NR2F1-AS1: variants seen among roughly 807,000 people sequenced by gnomAD.
NR2F1-AS1 encodes the protein NR2F1 regulatory antisense RNA 1.
chr5:93,426,886 T>G (rs146396761), intron 4 of NR2F1-AS1, among the ~76,000 whole-genome samples: 7 of 152,204 alleles, frequency 4.6e-5, no homozygotes, highest in South Asian at 4.2e-4. Flanking sequence ...GTAATAAAAG[T>G]TCCCCCCCTC....
chr5:93,580,284 G>A (rs1325987615), intron 1 of NR2F1-AS1, among the ~76,000 whole-genome samples: 1 of 152,254 alleles, frequency 6.6e-6, no homozygotes, highest in Non-Finnish European at 1.5e-5. Flanking sequence ...TAGCGCTACG[G>A]CGAGACAGAG....
chr5:93,457,318 G>C lies in NR2F1-AS1; in HGVS notation n.639-61776C>G, dbSNP rs188402511. 2.1e-3 allele frequency among the ~76,000 whole-genome samples: 321 copies of C among 152,216 alleles called. 2 individuals are homozygous for C. Among genetic ancestry groups the C allele is most frequent in the African/African-American group, 7.0e-3 (289 of 41,526 alleles). ...TGTGTCCCCGGGTACTTGAGATTAG[G>C]GAGTGGTGATGACTTTTAACAAGCA... On this transcript the variant is annotated intron_variant and non_coding_transcript_variant, in intron 4 of 5. Coordinates refer to ENST00000660523, the Ensembl canonical transcript of NR2F1-AS1.
At chr5:93,489,491 A>G (rs1750793751) in intron 4 of NR2F1-AS1, among the ~76,000 whole-genome samples, 1 of 152,096 alleles carries the variant, frequency 6.6e-6, no homozygotes, top group South Asian at 2.1e-4. Context: ...CATAACTTTT[A>G]TATGTACTGG....
At chr5:93,545,134 T>G (rs1752052951) in intron 4 of NR2F1-AS1, among the ~76,000 whole-genome samples, 1 of 152,132 alleles carries the variant, frequency 6.6e-6, no homozygotes, top group East Asian at 1.9e-4. Flanking sequence ...GAGGAACACT[T>G]AAGTCCCTAT....
chr5:93,466,161 C>T (rs530360367), intron 4 of NR2F1-AS1, among the ~76,000 whole-genome samples: 4 of 152,140 alleles, frequency 2.6e-5, no homozygotes, highest in East Asian at 3.9e-4. Flanking sequence ...TTGAGGCCTT[C>T]GCAACAGAAT....
At chr5:93,441,286 A>G (rs920332293) in intron 4 of NR2F1-AS1, among the ~76,000 whole-genome samples, 5 of 152,186 alleles carry the variant, frequency 3.3e-5, no homozygotes, top group Non-Finnish European at 7.3e-5. Context: ...CAAAGACCTG[A>G]GGTACTTCTG....
intron 4 of NR2F1-AS1, among the ~76,000 whole-genome samples, chr5:93,479,257 A>G (rs1278942839): frequency 1.3e-5 from 2 of 152,184 alleles, no homozygotes; most frequent in East Asian, 3.8e-4. Context: ...ATCCGTTTGG[A>G]AGTTCACTGA....
chr5:93,457,275 C>A (rs1051557696), intron 4 of NR2F1-AS1, among the ~76,000 whole-genome samples: 1 of 152,142 alleles, frequency 6.6e-6, no homozygotes, highest in Admixed American at 6.5e-5. Context: ...GAGGTCCCTG[C>A]AGCCTTCCAC....
At chr5:93,426,043 A>AT (rs371175585) in intron 4 of NR2F1-AS1, among the ~76,000 whole-genome samples, 4,026 of 145,260 alleles carry the variant, frequency 0.028, 107 homozygotes, top group African/African-American at 0.062. Flanking sequence ...ATCTCACCTA[A>AT]TTTTTTTTTT....
At chr5:93,412,956 G>A (rs1463474648) in intron 4 of NR2F1-AS1, among the ~76,000 whole-genome samples, 3 of 151,856 alleles carry the variant, frequency 2.0e-5, no homozygotes, top group African/African-American at 7.3e-5. Flanking sequence ...CAAGTTCCCA[G>A]TCCCTAATAC....
chr5:93,413,553 C>T (rs1266661695), intron 4 of NR2F1-AS1, among the ~76,000 whole-genome samples: 2 of 152,132 alleles, frequency 1.3e-5, no homozygotes, highest in Non-Finnish European at 2.9e-5. Flanking sequence ...GAGCTGAGCT[C>T]ATCAGAGACT....
intron 4 of NR2F1-AS1, among the ~76,000 whole-genome samples, chr5:93,472,366 C>T (rs1047129904): frequency 1.3e-5 from 2 of 151,686 alleles, no homozygotes; most frequent in Non-Finnish European, 3.0e-5. Flanking sequence ...AATTAATGTT[C>T]AACAAGATAA....
chr5:93,531,315 T>G (rs5009062), intron 4 of NR2F1-AS1, among the ~76,000 whole-genome samples: 109,085 of 151,418 alleles, frequency 0.72, 39,721 homozygotes, highest in East Asian at 0.85. Context: ...CAAGTAAAAA[T>G]TGTATTTGAC....
intron 4 of NR2F1-AS1, among the ~76,000 whole-genome samples, chr5:93,544,523 G>A (rs1313465446): frequency 3.3e-5 from 5 of 152,128 alleles, no homozygotes; most frequent in African/African-American, 9.7e-5. Context: ...ATACTCTGAA[G>A]AATTTCCAAT....
At chr5:93,466,419 C>G (rs1483036884) in intron 4 of NR2F1-AS1, among the ~76,000 whole-genome samples, 1 of 152,016 alleles carries the variant, frequency 6.6e-6, no homozygotes, top group East Asian at 1.9e-4. Flanking sequence ...TCATTGCAAC[C>G]TCCACCTCCT....
At chr5:93,428,655 A>G (rs1347530472) in intron 4 of NR2F1-AS1, among the ~76,000 whole-genome samples, 1 of 152,172 alleles carries the variant, frequency 6.6e-6, no homozygotes, top group Non-Finnish European at 1.5e-5. Context: ...CTTTTGTCTT[A>G]TAATAGAAAA....
At chr5:93,429,912 A>C (rs560457361) in intron 4 of NR2F1-AS1, among the ~76,000 whole-genome samples, 1 of 152,336 alleles carries the variant, frequency 6.6e-6, no homozygotes, top group South Asian at 2.1e-4. Context: ...GGATGGAAGC[A>C]TATCTGTACA....
intron 4 of NR2F1-AS1, among the ~76,000 whole-genome samples, chr5:93,544,213 A>G (rs1185013776): frequency 2.0e-5 from 3 of 152,214 alleles, no homozygotes; most frequent in African/African-American, 7.2e-5. Flanking sequence ...TTATATGAGG[A>G]ACCATAGATC....
intron 4 of NR2F1-AS1, among the ~76,000 whole-genome samples, chr5:93,496,540 T>A (rs1018303207): frequency 1.3e-5 from 2 of 152,170 alleles, no homozygotes; most frequent in African/African-American, 4.8e-5. Flanking sequence ...GCATCCTTTT[T>A]AATTTATACA....
Sources: allele counts gnomAD v4.1 joint callset (sites outside exome capture counted in the v4.1 genomes callset), GRCh38; gene constraint gnomAD v4.1.1; transcripts MANE v1.5; gene names NCBI Gene and HGNC (gene_info 2026-07-23, HGNC 2026-07-21).